COL6A2: variants seen among roughly 807,000 people sequenced by gnomAD.
The protein encoded by COL6A2 is collagen alpha-2(VI) chain.
Under a neutral mutation model 124.9 loss-of-function variants are expected in COL6A2, and 90 were observed. That is an observed-to-expected ratio of 0.72 (90% CI 0.61 to 0.86). COL6A2 has a LOEUF of 0.86. Ranked by LOEUF, COL6A2 falls within the 40% of genes least tolerant of loss-of-function variation. The pLI is 0.00. For synonymous variants in COL6A2, 793 were observed against 618.2 expected (o/e 1.28, Z -4.19); for missense variants, 1,607 against 1,502.5 (o/e 1.07, Z -1.15).
At chr21:46,129,646 C>T in intron 27 of COL6A2, 3 of 1,425,628 alleles carry the variant, frequency 2.1e-6, no homozygotes, top group Non-Finnish European at 2.7e-6. Flanking sequence ...AGCTCCCAGC[C>T]TCTTCCCATG....
chr21:46,100,894 TC>T lies in COL6A2; in HGVS notation c.-28+2722del, dbSNP rs569776246. Among the ~76,000 whole-genome samples, 58 of 152,368 alleles carry T rather than the reference TC, an allele frequency of 3.8e-4. 1 individual carries two copies. The highest frequency in any genetic ancestry group is 8.3e-4 in the South Asian group (4 of 4,822). On this transcript the variant is annotated intron_variant, in intron 1 of 27. Transcript: ENST00000300527. ...CAGATACCTCTTGGAGATCCCACTT[TC>T]ACTTCTTTTGAGTATGTTCCCAGAA... is the stretch of plus-strand genomic sequence containing the variant.
rs1341903406 is a variant in COL6A2 at position 46,117,402 on chromosome 21, C to A, written c.1002C>A (p.Gly334=). The A allele has an allele frequency of 6.2e-7, 1 of 1,612,672 alleles. No homozygotes were observed. Among genetic ancestry groups the A allele is most frequent in the African/African-American group, 1.3e-5 (1 of 74,936 alleles). Residue 334 remains glycine, a splice_region_variant and synonymous_variant, in exon 11 of 28, where the codon GGC becomes GGA. Transcript: ENST00000300527. ...AGKNGTDGQK[G]KLGRIGPPGC... ...CCTCCTGCCCCCTTCTCCTTCAGGG[C>A]AAGCTGGGGCGCATCGGACCTCCTG...
Position 46,111,302 on chromosome 21 carries a change from G to A in COL6A2, c.-27-148G>A, listed in dbSNP as rs144053057. ...GCCCCCCAGTCCAGATGCTGGTGACGGTGTGTGCTGGGCGCAGACCCCGCT... is the reference window on the plus strand; with the variant it reads ...GCCCCCCAGTCCAGATGCTGGTGACAGTGTGTGCTGGGCGCAGACCCCGCT... On this transcript the variant is annotated intron_variant, in intron 1 of 27. Transcript: ENST00000300527. The A allele has an allele frequency of 1.5e-3, 901 of 593,944 alleles. 12 individuals are homozygous for A. In the East Asian group the frequency reaches 0.018, roughly 12 times the overall value. 36.8% of individuals were successfully genotyped at this position (593,944 alleles called of 1,614,324 possible). A position where few individuals can be genotyped will look rare whatever the true frequency, so the allele number is the denominator to read the frequency against.
rs1256949462 is a variant in COL6A2, at chr21:46,124,885, G to A, written c.1735G>A (p.Gly579Ser). ...RGPRGVPGPE[G>S]EPGPPGDPGL... ...CTCAGCCTCATCCTTCCTTCCCCAG[G>A]GTGAGCCCGGCCCCCCTGGAGACCC... is the stretch of plus-strand genomic sequence containing the variant. The change falls in exon 23 of 28, where the codon GGT becomes AGT. Residue 579 changes from glycine to serine, a missense_variant and splice_region_variant. Transcript: ENST00000300527. 6.2e-7 allele frequency: 1 copy of A among 1,612,756 alleles called. No individual in the cohort carries two copies. The highest frequency in any genetic ancestry group is 1.1e-5 in the South Asian group (1 of 91,080).
Position 46,119,217 on chromosome 21 carries a change from G to T in COL6A2, c.1269+98G>T, listed in dbSNP as rs954486657. On this transcript the variant is annotated intron_variant, in intron 14 of 27. Coordinates refer to ENST00000300527, the MANE Select transcript of COL6A2 (RefSeq NM_001849.4). ...GGAAGGGCACCTGGGCTGTAGGCAG[G>T]ATCCCCTGCTGGCAAGGCACAGCCA... is the stretch of plus-strand genomic sequence containing the variant. 2.7e-5 allele frequency: 26 copies of T among 953,612 alleles called. No homozygotes were observed. In the African/African-American group the frequency reaches 3.7e-4, roughly 14 times the overall value. 59.1% of individuals were successfully genotyped at this position (953,612 alleles called of 1,614,324 possible). A position where few individuals can be genotyped will look rare whatever the true frequency, so the allele number is the denominator to read the frequency against.
chr21:46,121,485 C>A, intron 17 of COL6A2, 71 bp from the exon 18 acceptor site: 1 of 1,451,066 alleles, frequency 6.9e-7, no homozygotes, highest in South Asian at 1.2e-5. Context: ...CTGGACGGGG[C>A]ATGTCAGGTG....
intron 27 of COL6A2, among the ~76,000 whole-genome samples, chr21:46,128,178 C>A (rs1175479438): frequency 6.6e-6 from 1 of 152,206 alleles, no homozygotes; most frequent in African/African-American, 2.4e-5. Context: ...CACCAGAGCA[C>A]CACAGGGAAA....
intron 10 of COL6A2, among the ~76,000 whole-genome samples, chr21:46,117,072 C>T (rs2078483877): frequency 6.6e-6 from 1 of 152,216 alleles, no homozygotes; most frequent in East Asian, 1.9e-4. Flanking sequence ...CAGAGGCCAG[C>T]AACAAGCCTA....
At chr21:46,099,898 T>G (rs1028997395) in intron 1 of COL6A2, among the ~76,000 whole-genome samples, 34 of 146,510 alleles carry the variant, frequency 2.3e-4, no homozygotes, top group African/African-American at 8.4e-4. Flanking sequence ...TCTTTTTTTT[T>G]TTTTTTTTTT....
chr21:46,130,596 G>T (rs1207631557), intron 27 of COL6A2, among the ~76,000 whole-genome samples: 2 of 151,896 alleles, frequency 1.3e-5, no homozygotes, highest in African/African-American at 4.8e-5. Flanking sequence ...GCCTCCCTGT[G>T]CCTGGCCGGC....
intron 26 of COL6A2, 94 bp from the exon 27 acceptor site, chr21:46,126,409 C>A (rs972790000): frequency 6.4e-7 from 1 of 1,565,834 alleles, no homozygotes; most frequent in Non-Finnish European, 8.8e-7. Context: ...AGGCCAGCTG[C>A]ACCCTGAGCC....
At position 46,125,452 on chromosome 21, in the gene COL6A2, GCCACCCCC is replaced by G; in HGVS notation, c.1817-9_1817-2del. 1 of 1,609,120 alleles carries G rather than the reference GCCACCCCC, an allele frequency of 6.2e-7. No individual in the cohort carries two copies. Among genetic ancestry groups the G allele is most frequent in the Non-Finnish European group, 8.5e-7 (1 of 1,178,212 alleles). On this transcript the variant is annotated splice_region_variant and splice_polypyrimidine_tract_variant and intron_variant, in intron 24 of 27. Coordinates refer to ENST00000300527, the MANE Select transcript of COL6A2 (RefSeq NM_001849.4). ...CTCCCCGGTACCCCCCGATGACCCT[GCCACCCCC>G]CCAGACTGTGAGAAGCGCTGTGGCG...
intron 27 of COL6A2, among the ~76,000 whole-genome samples, 192 bp from the exon 28 acceptor site, chr21:46,131,762 G>C (rs919976536): frequency 2.0e-5 from 3 of 152,314 alleles, no homozygotes; most frequent in East Asian, 1.9e-4. Flanking sequence ...GCGGCTCCCA[G>C]CAGTGCCGCC....
At position 46,131,792 on chromosome 21, in the gene COL6A2, G is replaced by A. The variant is rs548889274; in HGVS notation, c.2462-162G>A. Among the ~76,000 whole-genome samples the A allele has an allele frequency of 4.0e-3, 609 of 152,296 alleles. 6 individuals carry two copies. The highest frequency in any genetic ancestry group is 0.017 in the Middle Eastern group (5 of 294). On this transcript the variant is annotated intron_variant, in intron 27 of 27. Transcript: ENST00000300527. ...GCCGCCTGAAAGTGTCTTGGGCTAA[G>A]GACCCACACCCAGGGCTGCCCTGCA...
At position 46,116,430 on chromosome 21, in the gene COL6A2, A is replaced by G; in HGVS notation, c.927+27A>G. 1 of 1,612,334 alleles carries G rather than the reference A, an allele frequency of 6.2e-7. No homozygotes were observed. The highest frequency in any genetic ancestry group is 1.1e-5 in the South Asian group (1 of 91,058). On this transcript the variant is annotated intron_variant, in intron 8 of 27. Transcript: ENST00000300527. This position sits in a 1 kb window ranked among gnomAD's most constrained non-coding sequence, Gnocchi z 4.6. ...TGAGGCTCTTGCCCTGACAGACCTC[A>G]GACCTGCGCCAGCCTCGGCCCAGAC...
rs1568929144 is a variant in COL6A2 at position 46,116,251 on chromosome 21, T to C, written c.901-126T>C. 1.0e-5 allele frequency: 13 copies of C among 1,247,164 alleles called. No individual in the cohort carries two copies. Among genetic ancestry groups the C allele is most frequent in the Non-Finnish European group, 1.5e-5 (13 of 872,138 alleles). The allele number at this position is 1,247,164 out of a possible 1,614,324, so 77.3% of individuals were successfully genotyped here. A position where few individuals can be genotyped will look rare whatever the true frequency, so the allele number is the denominator to read the frequency against. On this transcript the variant is annotated intron_variant, in intron 7 of 27. Coordinates refer to ENST00000300527, the MANE Select transcript of COL6A2 (RefSeq NM_001849.4). The surrounding 1 kb of genome is among the most constrained non-coding windows in gnomAD (Gnocchi z 4.6). Reference sequence around the variant, plus strand: ...CCAGGGCTCAGCCTCCTCCGCAGACTGTTTGTCGAGAACACTAGATGCCAG... The same window carrying C: ...CCAGGGCTCAGCCTCCTCCGCAGACCGTTTGTCGAGAACACTAGATGCCAG...
At position 46,116,671 on chromosome 21, in the gene COL6A2, T is replaced by C. The variant is rs764665426; in HGVS notation, c.948T>C (p.Gly316=). 6.2e-7 allele frequency: 1 copy of C among 1,612,868 alleles called. No individual in the cohort carries two copies. ...KGEKGEFGAD[G]RKGAPGLAGK... ...CACAGGGTGAATTTGGAGCCGACGG[T>C]CGCAAGGTAGGCTGGCTGGGTAGGC... Residue 316 remains glycine, a synonymous_variant, in exon 9 of 28, where the codon GGT becomes GGC. Coordinates refer to ENST00000300527, the MANE Select transcript of COL6A2 (RefSeq NM_001849.4). This position sits in a 1 kb window ranked among gnomAD's most constrained non-coding sequence, Gnocchi z 4.6.
In COL6A2 at chr21:46,120,527, CCTGAGGGGCCCCGCGGCCTGGCT is replaced by C. The variant is rs2078547591; in HGVS notation, c.1346_1368del (p.Pro449ArgfsTer38). The C allele has an allele frequency of 6.7e-7, 1 of 1,494,094 alleles. No individual in the cohort carries two copies. Among genetic ancestry groups the C allele is most frequent in the Non-Finnish European group, 8.9e-7 (1 of 1,124,480 alleles). The allele number at this position is 1,494,094 out of a possible 1,614,324, so 92.6% of individuals were successfully genotyped here. ...TCCCTTCCCACAGGGGGACCCTGGC[CCTGAGGGGCCCCGCGGCCTGGCT>C]GGAGAGGTTGGCAACAAAGGAGCCA... On this transcript the variant is annotated frameshift_variant, in exon 16 of 28. Coordinates refer to ENST00000300527, the MANE Select transcript of COL6A2 (RefSeq NM_001849.4). LOFTEE classifies it high-confidence loss of function.
Position 46,126,167 on chromosome 21 carries a change from C to T in COL6A2, c.2352C>T (p.Arg784=), listed in dbSNP as rs758062898. 6.2e-7 allele frequency: 1 copy of T among 1,609,032 alleles called. No homozygotes were observed. The highest frequency in any genetic ancestry group is 8.5e-7 in the Non-Finnish European group (1 of 1,179,988). The part of the protein sequence containing the change: ...SIACDKPQQV[R]NMTLFSDLVA... ...CCTGCGACAAGCCACAGCAGGTGCG[C>T]AACATGACGCTGTTCTCCGACCTGG... The change falls in exon 26 of 28, where the codon CGC becomes CGT. Residue 784 remains arginine (R), a synonymous_variant. Transcript: ENST00000300527.
Sources: gnomAD v4.1 joint callset for allele counts (sites outside exome capture counted in the v4.1 genomes callset) on GRCh38, gnomAD v4.1.1 for gene constraint, Gnocchi (gnomAD v3.1) non-coding constraint, MANE v1.5 for transcripts, NCBI Gene and HGNC (gene_info 2026-07-23, HGNC 2026-07-21) for gene names.